Variants in TMEM50B observed in about 807,000 individuals in gnomAD.
TMEM50B encodes HCV p7-trans-regulated protein 3.
A neutral mutation model predicts 23.4 loss-of-function variants in TMEM50B; 14 were observed. That is an observed-to-expected ratio of 0.60 (90% CI 0.39 to 0.93). The LOEUF (loss-of-function observed/expected upper bound fraction) is 0.93. Ranked by LOEUF, TMEM50B falls within the 40% of genes least tolerant of loss-of-function variation. The pLI is 0.00. For missense variants in TMEM50B, 159 were observed against 193.0 expected (o/e 0.82, Z 1.04); for synonymous variants, 64 against 62.3 (o/e 1.03, Z -0.13).
chr21:33,438,532 T>C (rs2083978834), intron 8 of TMEM50B, among the ~76,000 whole-genome samples: 1 of 152,038 alleles, frequency 6.6e-6, no homozygotes, highest in African/African-American at 2.4e-5. Context: ...GCACGGTGGC[T>C]CACACCTGTA....
rs775419820 is a variant in TMEM50B, at chr21:33,463,224, G to A, written c.280+2118C>T. Among the ~76,000 whole-genome samples, 15 of 152,270 alleles carry A rather than the reference G, an allele frequency of 9.9e-5. 1 individual carries two copies. The highest frequency in any genetic ancestry group is 6.2e-4 in the South Asian group (3 of 4,820). ...GAAGAATTGCTTGAGCCTGGGAGGC[G>A]GAGGATGCAATGAGCTGAGATCGCA... is the stretch of plus-strand genomic sequence containing the variant. On this transcript the variant is annotated intron_variant, in intron 4 of 6. Transcript: ENST00000542230.
At chr21:33,438,700 T>C (rs939906626) in intron 8 of TMEM50B, among the ~76,000 whole-genome samples, 4 of 150,586 alleles carry the variant, frequency 2.7e-5, no homozygotes, top group African/African-American at 7.3e-5. Context: ...TGGGAGGCAG[T>C]TGGGGCCCTG....
chr21:33,464,254 A>G lies in TMEM50B; in HGVS notation c.280+1088T>C, dbSNP rs368682541. On this transcript the variant is annotated intron_variant, in intron 4 of 6. Coordinates refer to ENST00000542230, the MANE Select transcript of TMEM50B (RefSeq NM_006134.7). ...CTCTTGTTGCCCAGGCTGGAGTCCA[A>G]TGAGGTGATCTCGGCTCACCGCAAC... Among the ~76,000 whole-genome samples the G allele has an allele frequency of 2.1e-4, 32 of 151,050 alleles. No homozygotes were observed. The East Asian group carries it at 2.6e-3, about 12-fold the overall frequency.
chr21:33,468,711 A>G, intron 2 of TMEM50B, 76 bp downstream of exon 2: 1 of 1,136,446 alleles, frequency 8.8e-7, no homozygotes, highest in East Asian at 2.3e-5. Flanking sequence ...AGCCATTCTC[A>G]GTTCAAAGGA....
At chr21:33,457,348 TTAAATATTAAGA>T (rs1442054199) in intron 5 of TMEM50B, among the ~76,000 whole-genome samples, 2 of 151,964 alleles carry the variant, frequency 1.3e-5, no homozygotes, top group Non-Finnish European at 2.9e-5. Context: ...TACTAGTTCT[TTAAATATTAAGA>T]TACAATTGGC....
At chr21:33,436,017 C>T (rs977747543) in intron 8 of TMEM50B, among the ~76,000 whole-genome samples, 1 of 151,828 alleles carries the variant, frequency 6.6e-6, no homozygotes, top group African/African-American at 2.4e-5. Flanking sequence ...GCCGAGATCG[C>T]GCCACTGCAC....
intron 5 of TMEM50B, among the ~76,000 whole-genome samples, chr21:33,458,240 A>C (rs2084187479): frequency 6.6e-6 from 1 of 152,194 alleles, no homozygotes; most frequent in African/African-American, 2.4e-5. Context: ...CCGGCTGGGC[A>C]CAGTGGCTCA....
downstream of TMEM50B, chr21:33,447,289 A>G (rs1003171797): frequency 6.6e-6 from 1 of 152,200 alleles, no homozygotes; most frequent in African/African-American, 2.4e-5. Flanking sequence ...CAACTTGGGA[A>G]AGGTGCAACT....
intron 2 of TMEM50B, 46 bp downstream of exon 2, chr21:33,468,741 G>T (rs2084286444): frequency 6.7e-7 from 1 of 1,492,438 alleles, no homozygotes; most frequent in Non-Finnish European, 9.3e-7. Context: ...AATTTCCAGG[G>T]CAAAAGGTAA....
chr21:33,458,716 TA>T (rs759665847), intron 5 of TMEM50B, among the ~76,000 whole-genome samples: 1 of 152,224 alleles, frequency 6.6e-6, no homozygotes, highest in Non-Finnish European at 1.5e-5. Context: ...CTGCATATTT[TA>T]AATGGCTGAA....
At chr21:33,432,886 A>AT in intron 8 of TMEM50B, 1 of 1,528,966 alleles carries the variant, frequency 6.5e-7, no homozygotes, top group Non-Finnish European at 8.9e-7. Context: ...GTGTGCACAC[A>AT]TCTCTTTTTT....
intron 1 of TMEM50B, chr21:33,469,569 T>C (rs923334983): frequency 1.3e-5 from 2 of 152,332 alleles, no homozygotes; most frequent in Admixed American, 6.5e-5. Flanking sequence ...AGTAGACCAG[T>C]AGAGTAGAGG....
At chr21:33,448,753 T>C (rs983487958), downstream of TMEM50B, 10 of 152,218 alleles carry the variant, frequency 6.6e-5, no homozygotes, top group African/African-American at 2.2e-4. Context: ...AACATTTTTT[T>C]TTAATTAACC....
chr21:33,438,792 C>T (rs183101931), intron 8 of TMEM50B, among the ~76,000 whole-genome samples: 15 of 152,004 alleles, frequency 9.9e-5, no homozygotes, highest in Middle Eastern at 6.8e-3. Context: ...CGCAGTGGCG[C>T]GATCTCAGCT....
downstream of TMEM50B, among the ~76,000 whole-genome samples, chr21:33,446,250 T>A (rs1213784942): frequency 1.3e-5 from 2 of 151,412 alleles, no homozygotes; most frequent in Admixed American, 6.6e-5. Flanking sequence ...ATTTTTTATT[T>A]TTTTTTGAGA....
chr21:33,436,792 A>G, intron 8 of TMEM50B: 2 of 1,597,138 alleles, frequency 1.3e-6, no homozygotes, highest in Non-Finnish European at 1.7e-6. Context: ...CTGAACTGGT[A>G]AACTAATTAC....
At chr21:33,475,838 C>A (rs891735324) in intron 1 of TMEM50B, among the ~76,000 whole-genome samples, 1 of 152,078 alleles carries the variant, frequency 6.6e-6, no homozygotes, top group African/African-American at 2.4e-5. Flanking sequence ...CCTGTAGTCC[C>A]AGCTACTCGG....
chr21:33,461,587 T>C (rs903118700), intron 4 of TMEM50B, among the ~76,000 whole-genome samples: 6 of 152,100 alleles, frequency 3.9e-5, no homozygotes, highest in African/African-American at 1.4e-4. Context: ...GCTAATTGCC[T>C]GAGCTCAGGA....
At chr21:33,448,300 CTCT>C (rs943048554), downstream of TMEM50B, among the ~76,000 whole-genome samples, 4 of 151,928 alleles carry the variant, frequency 2.6e-5, no homozygotes, top group African/African-American at 9.7e-5. Flanking sequence ...ACCACATTAT[CTCT>C]TTTTTTAAAA....
Sources: allele counts gnomAD v4.1 joint callset (sites outside exome capture counted in the v4.1 genomes callset), GRCh38; gene constraint gnomAD v4.1.1; transcripts MANE v1.5; gene names NCBI Gene and HGNC (gene_info 2026-07-23, HGNC 2026-07-21).